Variants in LSAMP observed in about 807,000 individuals in gnomAD.
LSAMP encodes the protein limbic system-associated membrane protein.
A neutral mutation model predicts 38.6 loss-of-function variants in LSAMP; 7 were observed. That is an observed-to-expected ratio of 0.18 (90% CI 0.10 to 0.34). LSAMP has a LOEUF of 0.34. Ranked by LOEUF, LSAMP falls within the 10% of genes least tolerant of loss-of-function variation. The probability of loss-of-function intolerance (pLI) is 1.00; values close to 1 mark genes in which losing one functional copy is unlikely to be tolerated. For synonymous variants in LSAMP, 154 were observed against 166.8 expected, an observed-to-expected ratio of 0.92 and a Z score of 0.59; for missense variants, 313 against 420.0, an observed-to-expected ratio of 0.75 and a Z score of 2.23.
intron 3 of LSAMP, among the ~76,000 whole-genome samples, chr3:115,946,776 T>C (rs2107569469): frequency 6.6e-6 from 1 of 152,262 alleles, no homozygotes; most frequent in African/African-American, 2.4e-5. Context: ...CCAAAATTAT[T>C]TTTTGAGGTC....
At chr3:116,154,108 A>C (rs951567707) in intron 1 of LSAMP, among the ~76,000 whole-genome samples, 7 of 152,136 alleles carry the variant, frequency 4.6e-5, no homozygotes, top group Non-Finnish European at 1.0e-4. Context: ...AGTTGTTCCA[A>C]GTAAAGTGCT....
chr3:116,051,922 A>G (rs1390149175), intron 2 of LSAMP, among the ~76,000 whole-genome samples: 1 of 152,178 alleles, frequency 6.6e-6, no homozygotes, highest in Non-Finnish European at 1.5e-5. Context: ...ACCACCACCA[A>G]CTGCTTCAGA....
At chr3:116,090,441 G>T (rs1708094954) in intron 1 of LSAMP, among the ~76,000 whole-genome samples, 1 of 152,108 alleles carries the variant, frequency 6.6e-6, no homozygotes, top group African/African-American at 2.4e-5. Flanking sequence ...GAGGTCTGCT[G>T]GCTCAACTGT....
intron 1 of LSAMP, among the ~76,000 whole-genome samples, chr3:116,373,229 A>G (rs564623217): frequency 2.6e-5 from 4 of 151,714 alleles, no homozygotes; most frequent in East Asian, 1.9e-4. Context: ...ATATATATAT[A>G]TATGCACACA....
chr3:116,108,108 A>T (rs1290901536), intron 1 of LSAMP, among the ~76,000 whole-genome samples: 1 of 152,082 alleles, frequency 6.6e-6, no homozygotes, highest in Non-Finnish European at 1.5e-5. Context: ...TGAGATGGTA[A>T]GGGGTGCATG....
At chr3:115,842,123 A>C in intron 5 of LSAMP, 130 bp from the exon 6 acceptor site, 1 of 921,722 alleles carries the variant, frequency 1.1e-6, no homozygotes, top group East Asian at 2.5e-5. Flanking sequence ...TTCCATGCCC[A>C]ATTCCTATTT....
chr3:116,005,287 T>A (rs1304264195), intron 3 of LSAMP, among the ~76,000 whole-genome samples: 2 of 152,154 alleles, frequency 1.3e-5, no homozygotes, highest in African/African-American at 4.8e-5. Context: ...ATAAATTTTC[T>A]GGATCTATTG....
intron 3 of LSAMP, among the ~76,000 whole-genome samples, chr3:116,011,445 TATAAA>T (rs1940322131): frequency 6.6e-6 from 1 of 152,074 alleles, no homozygotes; most frequent in Admixed American, 6.5e-5. Context: ...ACTCTTGAAA[TATAAA>T]AGGAGTATAA....
At chr3:116,270,285 G>C (rs1336754384) in intron 1 of LSAMP, among the ~76,000 whole-genome samples, 2 of 152,016 alleles carry the variant, frequency 1.3e-5, no homozygotes, top group Non-Finnish European at 1.5e-5. Flanking sequence ...CTGTACAACA[G>C]GAAAAGTCAA....
At chr3:115,925,067 G>A (rs1208107808) in intron 3 of LSAMP, among the ~76,000 whole-genome samples, 2 of 152,104 alleles carry the variant, frequency 1.3e-5, no homozygotes, top group Non-Finnish European at 2.9e-5. Flanking sequence ...CTGCTCCTTG[G>A]TTCTGCCTGG....
At position 115,810,002 on chromosome 3, in the gene LSAMP, C is replaced by T; in HGVS notation, c.*315G>A. 4.8e-6 allele frequency: 1 copy of T among 209,702 alleles called. No individual in the cohort carries two copies. The highest frequency in any genetic ancestry group is 5.9e-5 in the Admixed American group (1 of 16,950). 13.0% of individuals were successfully genotyped at this position (209,702 alleles called of 1,614,324 possible). On this transcript the variant is annotated 3_prime_UTR_variant, in exon 7 of 7. Coordinates refer to ENST00000490035, the MANE Select transcript of LSAMP (RefSeq NM_002338.5). Reference sequence around the variant, plus strand: ...CCATCTGGTTCTTCTCTTATTTTTACAGCATCCAGATGTCCTTAGTGTGGT... The same window carrying T: ...CCATCTGGTTCTTCTCTTATTTTTATAGCATCCAGATGTCCTTAGTGTGGT...
chr3:116,339,278 A>G (rs1170299170), intron 1 of LSAMP, among the ~76,000 whole-genome samples: 2 of 144,394 alleles, frequency 1.4e-5, no homozygotes, highest in African/African-American at 5.5e-5. Flanking sequence ...CTCCCCTTAT[A>G]TAGATTTTTT....
chr3:115,822,695 C>T (rs1248439143), intron 6 of LSAMP, among the ~76,000 whole-genome samples: 1 of 152,104 alleles, frequency 6.6e-6, no homozygotes, highest in Admixed American at 6.5e-5. Context: ...GACCATTGCC[C>T]TCATGACTAA....
intron 1 of LSAMP, among the ~76,000 whole-genome samples, chr3:116,233,051 G>A (rs1353590445): frequency 1.3e-5 from 2 of 151,788 alleles, no homozygotes; most frequent in East Asian, 1.9e-4. Context: ...TTCTTTTCTC[G>A]CTGCCTTTAA....
intron 3 of LSAMP, among the ~76,000 whole-genome samples, chr3:115,954,421 A>T (rs956919378): frequency 3.3e-5 from 5 of 152,250 alleles, no homozygotes; most frequent in African/African-American, 1.2e-4. Context: ...GTACAGGGAT[A>T]CTACCATAGG....
chr3:115,847,606 C>A lies in LSAMP; in HGVS notation c.649+4877G>T, dbSNP rs962902758. Among the ~76,000 whole-genome samples the A allele has an allele frequency of 3.9e-5, 6 of 152,194 alleles. No individual in the cohort carries two copies. The South Asian group carries it at 1.2e-3, about 32-fold the overall frequency. On this transcript the variant is annotated intron_variant, in intron 4 of 6. Coordinates refer to ENST00000490035, the MANE Select transcript of LSAMP (RefSeq NM_002338.5). ...AGGTAATTGAATCATGGGGGCAGTT[C>A]CCCCGTGCTGTTCTCGTGATAGTGA...
chr3:116,255,871 T>C (rs890377009), intron 1 of LSAMP, among the ~76,000 whole-genome samples: 23 of 152,206 alleles, frequency 1.5e-4, no homozygotes, highest in African/African-American at 9.6e-5. Context: ...AACCACACTT[T>C]AGTAGGAGAT....
chr3:116,168,023 G>T (rs542393343), intron 1 of LSAMP, among the ~76,000 whole-genome samples: 2 of 152,268 alleles, frequency 1.3e-5, no homozygotes, highest in African/African-American at 4.8e-5. Context: ...TGTCCCAACA[G>T]ACTCAGCAGG....
chr3:116,225,325 A>G (rs929923369), intron 1 of LSAMP, among the ~76,000 whole-genome samples: 3 of 152,150 alleles, frequency 2.0e-5, no homozygotes, highest in African/African-American at 7.2e-5. Context: ...GATTGGAGGT[A>G]TACTGCCGCA....
Sources: allele counts gnomAD v4.1 joint callset (sites outside exome capture counted in the v4.1 genomes callset), GRCh38; gene constraint gnomAD v4.1.1; transcripts MANE v1.5; gene names NCBI Gene and HGNC (gene_info 2026-07-23, HGNC 2026-07-21).